DNM3: variants seen among roughly 807,000 people sequenced by gnomAD.
DNM3 encodes dynamin 3, also known as dynamin-3.
A neutral mutation model predicts 101.6 loss-of-function variants in DNM3; 47 were observed. The observed-to-expected ratio is 0.46, with a 90% CI of 0.37 to 0.59. DNM3 has a LOEUF of 0.59. Ranked by LOEUF, DNM3 falls within the 20% of genes least tolerant of loss-of-function variation. The pLI, the probability that DNM3 is intolerant of heterozygous loss-of-function variation, is 0.00. For synonymous variants in DNM3, 385 were observed against 387.9 expected (o/e 0.99, Z 0.09); for missense variants, 849 against 1,085.7 (o/e 0.78, Z 3.06).
At position 172,163,698 on chromosome 1, in the gene DNM3, A is replaced by T. The variant is rs533314274; in HGVS notation, c.1659+32410A>T. Among the ~76,000 whole-genome samples the T allele has an allele frequency of 4.6e-5, 7 of 152,152 alleles. No individual in the cohort carries two copies. The East Asian group carries it at 1.4e-3, about 30-fold the overall frequency. On this transcript the variant is annotated intron_variant, in intron 14 of 20. Coordinates refer to ENST00000627582, the MANE Select transcript of DNM3 (RefSeq NM_015569.5). ...TTCTACTCTCTTTTTCTATGAGTTC[A>T]ACTATTTTAGATTCCTTGTAAGTGA...
chr1:171,868,814 C>T (rs771114382), intron 1 of DNM3, among the ~76,000 whole-genome samples: 4 of 151,890 alleles, frequency 2.6e-5, no homozygotes, highest in Non-Finnish European at 5.9e-5. Flanking sequence ...GACGGAGTCT[C>T]GCTTTGTCAC....
chr1:172,211,039 A>G (rs78671888), intron 14 of DNM3, among the ~76,000 whole-genome samples: 3,521 of 152,236 alleles, frequency 0.023, 120 homozygotes, highest in African/African-American at 0.079. Flanking sequence ...AGTTGAGTAA[A>G]CGGAAATATA....
chr1:172,254,801 G>A (rs916030764), intron 15 of DNM3, among the ~76,000 whole-genome samples: 1 of 152,078 alleles, frequency 6.6e-6, no homozygotes, highest in Non-Finnish European at 1.5e-5. Flanking sequence ...GACTAGAGAA[G>A]TATAAAAGGG....
chr1:171,945,917 C>T (rs61805811), intron 2 of DNM3, among the ~76,000 whole-genome samples: 23,539 of 152,084 alleles, frequency 0.15, 2,413 homozygotes, highest in South Asian at 0.26. Context: ...AGGAATCCCA[C>T]GGTAAGGCAG....
chr1:172,118,577 A>AT (rs887002952), intron 13 of DNM3, among the ~76,000 whole-genome samples: 23 of 149,788 alleles, frequency 1.5e-4, no homozygotes, highest in African/African-American at 2.2e-4. Context: ...ATTTTGGAAG[A>AT]TTTTTTTTTT....
At chr1:171,944,457 C>T (rs934309678) in intron 2 of DNM3, among the ~76,000 whole-genome samples, 3 of 151,646 alleles carry the variant, frequency 2.0e-5, no homozygotes, top group African/African-American at 7.3e-5. Flanking sequence ...CTCACTGCAA[C>T]CTCTGCTTCC....
intron 13 of DNM3, among the ~76,000 whole-genome samples, chr1:172,115,897 GT>G (rs796740980): frequency 2.6e-5 from 4 of 152,038 alleles, no homozygotes; most frequent in African/African-American, 9.7e-5. Flanking sequence ...TATGGTTATT[GT>G]CTATTGCTGA....
chr1:172,268,718 A>G (rs2062967199), intron 15 of DNM3, among the ~76,000 whole-genome samples: 1 of 152,162 alleles, frequency 6.6e-6, no homozygotes, highest in Admixed American at 6.5e-5. Flanking sequence ...AAGACAACAT[A>G]ATTTCTTGAG....
chr1:172,186,403 A>G (rs2059526704), intron 14 of DNM3, among the ~76,000 whole-genome samples: 1 of 151,772 alleles, frequency 6.6e-6, no homozygotes, highest in Non-Finnish European at 1.5e-5. Context: ...TAACTTTGTA[A>G]TGATGAAATG....
chr1:172,247,656 C>CTTACTTATTTATT (rs142204811), intron 14 of DNM3, among the ~76,000 whole-genome samples: 14 of 135,386 alleles, frequency 1.0e-4, no homozygotes, highest in South Asian at 2.4e-4. Context: ...ATTATTATTT[C>CTTACTTATTTATT]TTATTTATTT....
intron 15 of DNM3, among the ~76,000 whole-genome samples, chr1:172,256,936 G>T (rs2062428327): frequency 2.1e-5 from 3 of 145,496 alleles, no homozygotes; most frequent in Middle Eastern, 3.3e-3. Context: ...TTAAAAGTGT[G>T]TTTTACATTT....
At chr1:172,246,789 C>A (rs1366604600) in intron 14 of DNM3, among the ~76,000 whole-genome samples, 2 of 152,002 alleles carry the variant, frequency 1.3e-5, no homozygotes, top group Non-Finnish European at 1.5e-5. Flanking sequence ...GTCAGTTACT[C>A]AGAGCATGAA....
chr1:171,895,580 T>C (rs1246685961), intron 1 of DNM3, among the ~76,000 whole-genome samples: 1 of 152,164 alleles, frequency 6.6e-6, no homozygotes, highest in African/African-American at 2.4e-5. Flanking sequence ...TTCTCCCATT[T>C]TGTAGGTTGC....
At chr1:172,290,331 C>T (rs2063857661) in intron 15 of DNM3, among the ~76,000 whole-genome samples, 1 of 152,072 alleles carries the variant, frequency 6.6e-6, no homozygotes, top group South Asian at 2.1e-4. Flanking sequence ...GGGGAGGCTT[C>T]TCTAGGGGAT....
chr1:171,924,184 G>T (rs1273044819), intron 2 of DNM3, among the ~76,000 whole-genome samples: 1 of 151,978 alleles, frequency 6.6e-6, no homozygotes, highest in Non-Finnish European at 1.5e-5. Context: ...CTTTTCCTTT[G>T]GGTAGCTACC....
intron 14 of DNM3, among the ~76,000 whole-genome samples, chr1:172,228,432 G>A (rs1218933126): frequency 6.6e-6 from 1 of 152,002 alleles, no homozygotes; most frequent in Non-Finnish European, 1.5e-5. Context: ...CACCTGACCT[G>A]CCAGTGGACT....
chr1:172,142,368 T>C (rs1281251076), intron 14 of DNM3, among the ~76,000 whole-genome samples: 1 of 152,198 alleles, frequency 6.6e-6, no homozygotes, highest in Non-Finnish European at 1.5e-5. Context: ...AGCAGAGCTT[T>C]ATAAAATGAG....
chr1:171,971,647 A>G (rs1475571624), intron 2 of DNM3, among the ~76,000 whole-genome samples: 1 of 152,180 alleles, frequency 6.6e-6, no homozygotes, highest in African/African-American at 2.4e-5. Context: ...GTAACCTAAG[A>G]AGCAAAATAG....
chr1:172,289,470 T>TTGTG (rs1211655307), intron 15 of DNM3: 3 of 740,214 alleles, frequency 4.1e-6, no homozygotes, highest in Non-Finnish European at 4.9e-6. Flanking sequence ...ATTTCTAATT[T>TTGTG]TGTTTTCTCA....
Sources: allele counts gnomAD v4.1 joint callset (sites outside exome capture counted in the v4.1 genomes callset), GRCh38; gene constraint gnomAD v4.1.1; transcripts MANE v1.5; gene names NCBI Gene and HGNC (gene_info 2026-07-23, HGNC 2026-07-21).